Variants in ERCC8 observed in about 807,000 individuals in gnomAD.
ERCC8 encodes the protein ERCC excision repair 8, CSA ubiquitin ligase complex subunit, also known as DNA excision repair protein ERCC-8.
Under a neutral mutation model 54.9 loss-of-function variants are expected in ERCC8, and 52 were observed. That is an observed-to-expected ratio of 0.95 (90% confidence interval 0.76 to 1.19). The LOEUF (loss-of-function observed/expected upper bound fraction) is 1.19. Ranked by LOEUF, ERCC8 falls within the 50% of genes most tolerant of loss-of-function variation. ERCC8 has a pLI of 0.00. For synonymous variants in ERCC8, 146 were observed against 157.2 expected (o/e 0.93, Z 0.53); for missense variants, 514 against 466.1 (o/e 1.10, Z -0.95).
chr5:60,914,487 T>C (rs977645811), intron 4 of ERCC8, among the ~76,000 whole-genome samples: 1 of 151,830 alleles, frequency 6.6e-6, no homozygotes, highest in Non-Finnish European at 1.5e-5. Flanking sequence ...TGTGTCAGTA[T>C]GCAGAGAATT....
chr5:60,874,396 C>T lies in ERCC8; in HGVS notation c.*219G>A. On this transcript the variant is annotated 3_prime_UTR_variant, in exon 12 of 12. Transcript: ENST00000676185. ...TGTAGCAATGAGGGCTTTCCCAGGC[C>T]ACAACATCTGGGATCAAGGAACACA... 1.9e-6 allele frequency: 1 copy of T among 520,052 alleles called. No individual in the cohort carries two copies. Among genetic ancestry groups the T allele is most frequent in the Admixed American group, 3.6e-5 (1 of 27,874 alleles). 32.2% of individuals were successfully genotyped at this position (520,052 alleles called of 1,614,324 possible).
chr5:60,912,204 T>G (rs1298890801), intron 4 of ERCC8, among the ~76,000 whole-genome samples: 1 of 152,160 alleles, frequency 6.6e-6, no homozygotes, highest in Non-Finnish European at 1.5e-5. Context: ...TTTCACGATA[T>G]TGATTCTTCC....
At position 60,879,804 on chromosome 5, in the gene ERCC8, C is replaced by G. The variant is rs1748145599; in HGVS notation, c.1123-5121G>C. Reference sequence around the variant, plus strand: ...TCCTGAATACAGCACACTGATGGGTCTTGACTCTTTATCCAATTTGCCAGT... The same window carrying G: ...TCCTGAATACAGCACACTGATGGGTGTTGACTCTTTATCCAATTTGCCAGT... On this transcript the variant is annotated intron_variant, in intron 11 of 11. Coordinates refer to ENST00000676185, the MANE Select transcript of ERCC8 (RefSeq NM_000082.4). 2.0e-5 allele frequency among the ~76,000 whole-genome samples: 3 copies of G among 152,302 alleles called. No homozygotes were observed. In the South Asian group the frequency reaches 6.2e-4, roughly 32 times the overall value.
chr5:60,919,737 T>G (rs1749547979), intron 3 of ERCC8, among the ~76,000 whole-genome samples: 1 of 151,978 alleles, frequency 6.6e-6, no homozygotes, highest in East Asian at 1.9e-4. Context: ...GAACATGACC[T>G]TGAAATGGAG....
intron 1 of ERCC8, among the ~76,000 whole-genome samples, chr5:60,942,969 A>G (rs1484367169): frequency 6.6e-6 from 1 of 152,170 alleles, no homozygotes; most frequent in Non-Finnish European, 1.5e-5. Context: ...TTAATGATGG[A>G]AATATTTTTA....
At chr5:60,880,072 A>C (rs2112461058) in intron 11 of ERCC8, among the ~76,000 whole-genome samples, 1 of 152,256 alleles carries the variant, frequency 6.6e-6, no homozygotes, top group South Asian at 2.1e-4. Context: ...TGGTGACAAA[A>C]TCTCTCAGCA....
intron 2 of ERCC8, among the ~76,000 whole-genome samples, 176 bp downstream of exon 2, chr5:60,928,688 T>C (rs1160599350): frequency 6.6e-6 from 1 of 152,162 alleles, no homozygotes; most frequent in African/African-American, 2.4e-5. Context: ...TTTGACAACA[T>C]TTGGTAGGTT....
intron 9 of ERCC8, chr5:60,892,152 G>A (rs917631968): frequency 5.9e-6 from 3 of 507,696 alleles, no homozygotes; most frequent in Non-Finnish European, 1.2e-5. Context: ...TTTTTTTTAG[G>A]GTGGTGGTCT....
At chr5:60,921,600 T>C (rs4647076) in intron 3 of ERCC8, among the ~76,000 whole-genome samples, 1,857 of 152,044 alleles carry the variant, frequency 0.012, 47 homozygotes, top group African/African-American at 0.042. Flanking sequence ...AGTGGGTATA[T>C]GTGTATGTGT....
chr5:60,875,886 A>AT (rs924612942), intron 11 of ERCC8, among the ~76,000 whole-genome samples: 2 of 115,886 alleles, frequency 1.7e-5, no homozygotes, highest in Non-Finnish European at 3.5e-5. Context: ...TAATTTATTT[A>AT]TTTTTTCTTT....
chr5:60,880,751 T>C (rs541685388), intron 11 of ERCC8, among the ~76,000 whole-genome samples: 22 of 152,352 alleles, frequency 1.4e-4, no homozygotes, highest in African/African-American at 5.3e-4. Flanking sequence ...TTGGTTATTC[T>C]AGTTAGCCAT....
At chr5:60,898,237 C>G (rs1259433806) in intron 9 of ERCC8, 39 bp downstream of exon 9, 1 of 1,596,676 alleles carries the variant, frequency 6.3e-7, no homozygotes, top group African/African-American at 1.3e-5. Context: ...AGATCCATTT[C>G]TTAATTTATA....
chr5:60,929,061 T>C, intron 1 of ERCC8, 102 bp from the exon 2 acceptor site: 1 of 714,386 alleles, frequency 1.4e-6, no homozygotes, highest in Non-Finnish European at 2.5e-6. Flanking sequence ...ACAAGAAATG[T>C]CTAAATCTTC....
intron 1 of ERCC8, among the ~76,000 whole-genome samples, chr5:60,940,906 A>G (rs939649942): frequency 1.3e-5 from 2 of 152,226 alleles, no homozygotes; most frequent in Non-Finnish European, 2.9e-5. Context: ...CATATAAAGA[A>G]CCGTGAAAAT....
intron 10 of ERCC8, 102 bp from the exon 11 acceptor site, chr5:60,887,622 T>C: frequency 1.2e-6 from 1 of 862,384 alleles, no homozygotes; most frequent in Non-Finnish European, 2.0e-6. Context: ...ATAATTAGAT[T>C]AATGCTATTT....
intron 2 of ERCC8, among the ~76,000 whole-genome samples, chr5:60,925,970 C>T (rs566580483): frequency 4.5e-4 from 69 of 152,132 alleles, no homozygotes; most frequent in Middle Eastern, 6.8e-3. Flanking sequence ...ATTACGGGCA[C>T]GCGCCACTGC....
intron 2 of ERCC8, among the ~76,000 whole-genome samples, chr5:60,923,458 T>G (rs1284118183): frequency 6.6e-6 from 1 of 152,094 alleles, no homozygotes; most frequent in Non-Finnish European, 1.5e-5. Flanking sequence ...TCTTTAAATC[T>G]GGAGTTGTTG....
At chr5:60,940,947 C>G (rs1267012866) in intron 1 of ERCC8, among the ~76,000 whole-genome samples, 2 of 152,112 alleles carry the variant, frequency 1.3e-5, no homozygotes, top group Non-Finnish European at 2.9e-5. Context: ...ACAAACAAAA[C>G]AAGCCAAAGC....
chr5:60,944,953 C>T lies in ERCC8; in HGVS notation c.56G>A (p.Arg19Gln). The change falls in exon 1 of 12, where the codon CGG becomes CAG. Residue 19 changes from arginine (R) to glutamine (Q), a missense_variant. By Grantham distance (43) the Arg-to-Gln change is conservative. Transcript: ENST00000676185. ...QTGLEDPLRL[R>Q]RAESTRRVLG... ...TTACCTCCGTGTTGACTCTGCTCTC[C>T]GAAGGCGAAGAGGGTCCTCCAAACC... 6.2e-7 allele frequency: 1 copy of T among 1,614,070 alleles called. No individual in the cohort carries two copies. The highest frequency in any genetic ancestry group is 8.5e-7 in the Non-Finnish European group (1 of 1,179,966).
Sources: allele counts gnomAD v4.1 joint callset (sites outside exome capture counted in the v4.1 genomes callset), GRCh38; gene constraint gnomAD v4.1.1; transcripts MANE v1.5; gene names NCBI Gene and HGNC (gene_info 2026-07-23, HGNC 2026-07-21).